TRNT1: variants seen among roughly 807,000 people sequenced by gnomAD.
TRNT1 encodes tRNA nucleotidyl transferase 1.
TRNT1 carries 44 observed loss-of-function variants against 45.6 expected under a neutral mutation model. That is an observed-to-expected ratio of 0.97 (90% CI 0.76 to 1.24). The LOEUF is 1.24. Among genes scored for constraint, TRNT1 ranks in the 50% most tolerant of loss-of-function variants. TRNT1 has a pLI of 0.00. For synonymous variants in TRNT1, 201 were observed against 171.4 expected, an observed-to-expected ratio of 1.17 and a Z score of -1.35; for missense variants, 633 against 504.4, an observed-to-expected ratio of 1.25 and a Z score of -2.44.
At chr3:3,139,612 C>T (rs1033780635) in intron 3 of TRNT1, among the ~76,000 whole-genome samples, 2 of 152,104 alleles carry the variant, frequency 1.3e-5, no homozygotes, top group African/African-American at 4.8e-5. Flanking sequence ...CCTGCATGTA[C>T]AAACCCTGCT....
chr3:3,150,954 A>G, downstream of TRNT1: 1 of 1,614,026 alleles, frequency 6.2e-7, no homozygotes, highest in Non-Finnish European at 8.5e-7. Context: ...AAGCCCCAAA[A>G]TTTTTGAGGT....
intron 2 of TRNT1, among the ~76,000 whole-genome samples, chr3:3,134,359 C>T (rs1705198836): frequency 6.6e-6 from 1 of 152,062 alleles, no homozygotes; most frequent in Admixed American, 6.6e-5. Flanking sequence ...ATACGTCTTT[C>T]TCAGTTGTCT....
At chr3:3,150,696 A>C, downstream of TRNT1, 1 of 655,256 alleles carries the variant, frequency 1.5e-6, no homozygotes, top group Non-Finnish European at 2.5e-6. Context: ...AGTATACTTA[A>C]AAGTTTCAAA....
chr3:3,129,699 A>T (rs1055939620), intron 2 of TRNT1, among the ~76,000 whole-genome samples: 1 of 152,352 alleles, frequency 6.6e-6, no homozygotes, highest in Middle Eastern at 3.4e-3. Flanking sequence ...GCTTTTCTGT[A>T]TGCTGTGCTA....
chr3:3,140,718 C>T, intron 4 of TRNT1, 70 bp downstream of exon 4: 1 of 1,533,298 alleles, frequency 6.5e-7, no homozygotes. Context: ...AACCTACATT[C>T]TGGAAATGTT....
rs199879825 is a variant in TRNT1, at chr3:3,141,310, CAT to C, written c.481+663_481+664del. Among the ~76,000 whole-genome samples the C allele has an allele frequency of 7.1e-3, 1,072 of 151,852 alleles. 13 individuals are homozygous for C. The highest frequency in any genetic ancestry group is 0.018 in the African/African-American group (736 of 41,338). ...TTCAGGGAAGAGAAGTGCACACACA[CAT>C]GGTACATGTACATACTCCACACACA... On this transcript the variant is annotated intron_variant, in intron 4 of 7. Transcript: ENST00000251607.
chr3:3,147,690 A>C lies in TRNT1; in HGVS notation c.1043A>C (p.Asp348Ala). ...TCAGACCCATTGAAACCCTATCAAG[A>C]CTTCATTATAGATGTAAGTATATAC... ...DSSDPLKPYQ[D>A]FIIDSREPDA... Residue 348 changes from aspartate to alanine, a missense_variant, in exon 7 of 8, where the codon GAC (aspartate) becomes GCC (alanine). By Grantham distance (126) the Asp-to-Ala change is moderately radical (BLOSUM62 -2). Transcript: ENST00000251607. 6.2e-7 allele frequency: 1 copy of C among 1,611,632 alleles called. No homozygotes were observed.
chr3:3,130,198 T>G, intron 2 of TRNT1: 1 of 511,350 alleles, frequency 2.0e-6, no homozygotes, highest in Non-Finnish European at 3.5e-6. Context: ...TATACAGCAC[T>G]GGCTATCTAT....
At chr3:3,150,858 C>T, downstream of TRNT1, 1 of 1,612,064 alleles carries the variant, frequency 6.2e-7, no homozygotes, top group South Asian at 1.1e-5. Flanking sequence ...ATCTCTATCA[C>T]ATCTGTTTAC....
At chr3:3,137,016 T>A (rs145953629) in intron 2 of TRNT1, among the ~76,000 whole-genome samples, 1 of 152,334 alleles carries the variant, frequency 6.6e-6, no homozygotes, top group African/African-American at 2.4e-5. Flanking sequence ...GAATTCTGAA[T>A]TATCTTCTGA....
At chr3:3,130,619 A>G (rs1704957002) in intron 2 of TRNT1, 1 of 152,292 alleles carries the variant, frequency 6.6e-6, no homozygotes, top group Non-Finnish European at 1.5e-5. Flanking sequence ...CATATGTAAT[A>G]TAAACTTTTT....
chr3:3,152,446 A>G (rs1339732867), downstream of TRNT1: 6 of 1,612,288 alleles, frequency 3.7e-6, no homozygotes, highest in South Asian at 3.3e-5. Flanking sequence ...AACCACCACC[A>G]TAATATTACC....
Position 3,148,251 on chromosome 3 carries a change from C to T in TRNT1, c.*97C>T. On this transcript the variant is annotated 3_prime_UTR_variant, in exon 8 of 8. Transcript: ENST00000251607. ...TTAGAGACTACACCAGAATAAAAGA[C>T]AGTTTAGGGGACCTCTGTAGAACAA... 1 of 1,346,516 alleles carries T rather than the reference C, an allele frequency of 7.4e-7. No individual in the cohort carries two copies. The highest frequency in any genetic ancestry group is 1.0e-6 in the Non-Finnish European group (1 of 982,246). The allele number at this position is 1,346,516 out of a possible 1,614,324, so 83.4% of individuals were successfully genotyped here.
chr3:3,131,153 A>G (rs2126006539), intron 2 of TRNT1: 1 of 152,276 alleles, frequency 6.6e-6, no homozygotes, highest in East Asian at 1.9e-4. Context: ...CATTTAATAC[A>G]GCACATCTGA....
At chr3:3,149,440 C>G (rs1706317987), downstream of TRNT1, 1 of 144,844 alleles carries the variant, frequency 6.9e-6, no homozygotes, top group Non-Finnish European at 1.5e-5. Context: ...TTTTACAGAT[C>G]AGAAAATTTT....
chr3:3,140,687 G>A, intron 4 of TRNT1, 39 bp downstream of exon 4: 1 of 1,591,250 alleles, frequency 6.3e-7, no homozygotes, highest in South Asian at 1.1e-5. Context: ...GAGTCTATCA[G>A]AATGCCTTCT....
At chr3:3,131,423 G>A (rs915028999) in intron 2 of TRNT1, 7 of 152,142 alleles carry the variant, frequency 4.6e-5, no homozygotes, top group Non-Finnish European at 7.3e-5. Flanking sequence ...ATAGTTTCTT[G>A]AACATCATTT....
Position 3,137,385 on chromosome 3 carries a change from A to G in TRNT1, c.274A>G (p.Met92Val), listed in dbSNP as rs1357713758. Residue 92 changes from methionine to valine, a missense_variant, in exon 3 of 8, where the codon ATG (methionine) becomes GTG (valine). By Grantham distance (21) the Met-to-Val change is conservative. Transcript: ENST00000251607. Reference protein sequence around the residue: ...TTATPTQMKEMFQSAGIRMIN... With the variant: ...TTATPTQMKEVFQSAGIRMIN... ...TGCTACCCCTACTCAAATGAAGGAGATGTTTCAGTCGGCTGGGATTCGGAT... is the reference window on the plus strand; with the variant it reads ...TGCTACCCCTACTCAAATGAAGGAGGTGTTTCAGTCGGCTGGGATTCGGAT... The G allele has an allele frequency of 1.9e-6, 3 of 1,613,974 alleles. No homozygotes were observed. The highest frequency in any genetic ancestry group is 1.7e-5 in the Admixed American group (1 of 60,000).
chr3:3,140,591 A>G lies in TRNT1; in HGVS notation c.424A>G (p.Thr142Ala). 6.2e-7 allele frequency: 1 copy of G among 1,614,198 alleles called. No individual in the cohort carries two copies. The highest frequency in any genetic ancestry group is 1.3e-5 in the African/African-American group (1 of 75,068). Residue 142 changes from threonine to alanine, a missense_variant, in exon 4 of 8, where the codon ACT (threonine) becomes GCT (alanine). Coordinates refer to ENST00000251607, the MANE Select transcript of TRNT1 (RefSeq NM_182916.3). ...DGRHAEVEFT[T>A]DWQKDAERRD... Reference sequence around the variant, plus strand: ...AAGACATGCTGAGGTAGAATTTACAACTGACTGGCAGAAAGATGCGGAACG... The same window carrying G: ...AAGACATGCTGAGGTAGAATTTACAGCTGACTGGCAGAAAGATGCGGAACG...
Sources: gnomAD v4.1 joint callset for allele counts (sites outside exome capture counted in the v4.1 genomes callset) on GRCh38, gnomAD v4.1.1 for gene constraint, MANE v1.5 for transcripts, NCBI Gene and HGNC (gene_info 2026-07-23, HGNC 2026-07-21) for gene names.